CLN8: variants seen among roughly 807,000 people sequenced by gnomAD.
CLN8 encodes the protein CLN8 transmembrane ER and ERGIC protein, also known as protein CLN8.
A neutral mutation model predicts 15.7 loss-of-function variants in CLN8; 14 were observed. That is an observed-to-expected ratio of 0.89 (90% CI 0.59 to 1.39). CLN8 has a LOEUF of 1.39. CLN8 is among the 40% of genes most tolerant of loss of function. CLN8 has a pLI of 0.00. For missense variants in CLN8, 415 were observed against 364.0 expected (o/e 1.14, Z -1.14); for synonymous variants, 188 against 151.0 (o/e 1.25, Z -1.80).
At chr8:1,758,095 C>T (rs924367115) in intron 1 of CLN8, 1 of 152,042 alleles carries the variant, frequency 6.6e-6, no homozygotes, top group Non-Finnish European at 1.5e-5. Flanking sequence ...CCGAGTGTCC[C>T]GCATGCAAGC....
In CLN8 at chr8:1,778,642, G is replaced by T. The variant is rs750625537; in HGVS notation, c.544-1608G>T. ...GTGCTTGGTATGTTTGTGGAAAGCC[G>T]CACTGGCGGTCTCTGAAGGCGTGTG... On this transcript the variant is annotated intron_variant, in intron 2 of 2. Transcript: ENST00000331222. 1.3e-5 allele frequency among the ~76,000 whole-genome samples: 2 copies of T among 152,196 alleles called. 1 individual carries two copies.
chr8:1,778,931 T>TATA (rs1563113224), intron 2 of CLN8, among the ~76,000 whole-genome samples: 1 of 152,212 alleles, frequency 6.6e-6, no homozygotes, highest in Non-Finnish European at 1.5e-5. Flanking sequence ...CATCATGGTA[T>TATA]ATAGCCTGGC....
intron 2 of CLN8, chr8:1,779,983 G>A: frequency 1.0e-6 from 1 of 985,452 alleles, no homozygotes; most frequent in Non-Finnish European, 1.2e-6. Context: ...CATAGCTTTA[G>A]GGAGCAGAAG....
chr8:1,773,641 A>T (rs1194131265), intron 2 of CLN8: 1 of 152,320 alleles, frequency 6.6e-6, no homozygotes, highest in Admixed American at 6.5e-5. Context: ...TTATTTCCAT[A>T]AGAGTGCAGA....
At chr8:1,779,721 G>A (rs1490549937) in intron 2 of CLN8, among the ~76,000 whole-genome samples, 5 of 152,132 alleles carry the variant, frequency 3.3e-5, no homozygotes, top group Non-Finnish European at 7.3e-5. Flanking sequence ...CCACTTCCTG[G>A]TTTACATGGC....
intron 2 of CLN8, 35 bp from the exon 3 acceptor site, chr8:1,780,215 G>A (rs377570844): frequency 3.9e-5 from 63 of 1,614,016 alleles, no homozygotes; most frequent in African/African-American, 2.9e-4. Context: ...TGGCAGTTTC[G>A]CATTGACTTG....
At chr8:1,766,828 A>T (rs1801082206) in intron 1 of CLN8, among the ~76,000 whole-genome samples, 1 of 152,230 alleles carries the variant, frequency 6.6e-6, no homozygotes, top group Admixed American at 6.5e-5. Context: ...CATTTTGCGT[A>T]TCAAGAGTGA....
Position 1,782,166 on chromosome 8 carries a change from A to G in CLN8, c.*1599A>G, listed in dbSNP as rs1246659348. 6.6e-6 allele frequency: 1 copy of G among 152,020 alleles called. No homozygotes were observed. The highest frequency in any genetic ancestry group is 2.4e-5 in the African/African-American group (1 of 41,366). The allele number at this position is 152,020 out of a possible 1,614,324, so 9.4% of individuals were successfully genotyped here. A position where few individuals can be genotyped will look rare whatever the true frequency, so the allele number is the denominator to read the frequency against. On this transcript the variant is annotated 3_prime_UTR_variant, in exon 3 of 3. Transcript: ENST00000331222. The stretch of plus-strand genomic sequence containing the variant: ...TAGTTTTTGTTTTCGTTTTTTTGAG[A>G]CGGAGCCTGGCTTTGGCTCCCAGGC...
chr8:1,777,138 C>T (rs1196787520), intron 2 of CLN8, among the ~76,000 whole-genome samples: 6 of 152,166 alleles, frequency 3.9e-5, no homozygotes, highest in Non-Finnish European at 8.8e-5. Context: ...CCCATTGTTC[C>T]CAGGCTGCAT....
chr8:1,772,363 C>T (rs1010040182), intron 2 of CLN8, among the ~76,000 whole-genome samples: 1 of 152,160 alleles, frequency 6.6e-6, no homozygotes, highest in Non-Finnish European at 1.5e-5. Context: ...AGTTATTTGC[C>T]TAGCACTTTC....
intron 2 of CLN8, among the ~76,000 whole-genome samples, chr8:1,775,352 C>G (rs918417629): frequency 2.0e-5 from 3 of 152,130 alleles, no homozygotes; most frequent in Non-Finnish European, 4.4e-5. Flanking sequence ...ACCAGTCCCC[C>G]AAGGATACTG....
At chr8:1,776,607 T>G (rs1801527407) in intron 2 of CLN8, among the ~76,000 whole-genome samples, 1 of 152,236 alleles carries the variant, frequency 6.6e-6, no homozygotes, top group Admixed American at 6.5e-5. Flanking sequence ...GTCCATTGCG[T>G]GGCAGAAGGA....
intron 2 of CLN8, 55 bp from the exon 3 acceptor site, chr8:1,780,195 G>T: frequency 2.5e-6 from 4 of 1,614,044 alleles, no homozygotes; most frequent in Non-Finnish European, 2.5e-6. Flanking sequence ...GTGATGTGAA[G>T]AATGAATTTT....
chr8:1,759,510 G>A (rs1800743617), upstream of CLN8: 1 of 152,250 alleles, frequency 6.6e-6, no homozygotes, highest in Admixed American at 6.5e-5. Flanking sequence ...CCGAGGGTGA[G>A]GGATGAGGAG....
upstream of CLN8, among the ~76,000 whole-genome samples, chr8:1,754,539 G>T (rs1259394620): frequency 6.6e-6 from 1 of 152,142 alleles, no homozygotes; most frequent in African/African-American, 2.4e-5. Flanking sequence ...AGCATTCCCA[G>T]GAAATAACGG....
chr8:1,766,994 C>T (rs1208789491), intron 1 of CLN8, among the ~76,000 whole-genome samples: 4 of 152,224 alleles, frequency 2.6e-5, no homozygotes, highest in African/African-American at 7.2e-5. Flanking sequence ...GTTCTCAGTA[C>T]AACGCTGATG....
At chr8:1,760,417 G>A (rs1197647185), upstream of CLN8, 1 of 152,158 alleles carries the variant, frequency 6.6e-6, no homozygotes, top group East Asian at 1.9e-4. Flanking sequence ...GGAGCAAGCT[G>A]GGAATCCGCC....
intron 1 of CLN8, among the ~76,000 whole-genome samples, chr8:1,767,008 C>G (rs567484275): frequency 3.9e-5 from 6 of 152,216 alleles, no homozygotes; most frequent in African/African-American, 1.4e-4. Context: ...GCTGATGCCA[C>G]GAAAGGACAG....
upstream of CLN8, among the ~76,000 whole-genome samples, chr8:1,755,562 C>G (rs1800650809): frequency 6.6e-6 from 1 of 152,194 alleles, no homozygotes; most frequent in Non-Finnish European, 1.5e-5. Flanking sequence ...TGTCGCAGGT[C>G]CTGACATATC....
Sources: gnomAD v4.1 joint callset for allele counts (sites outside exome capture counted in the v4.1 genomes callset) on GRCh38, gnomAD v4.1.1 for gene constraint, MANE v1.5 for transcripts, NCBI Gene and HGNC (gene_info 2026-07-23, HGNC 2026-07-21) for gene names.